SEMA5A: variants seen among roughly 807,000 people sequenced by gnomAD.
SEMA5A encodes semaphorin 5A, also known as semaphorin-5A.
A neutral mutation model predicts 135.5 loss-of-function variants in SEMA5A; 55 were observed. The ratio of observed to expected loss-of-function variants is 0.41; its 90% CI spans 0.33 to 0.51. The LOEUF is 0.51. Ranked by LOEUF, SEMA5A falls within the 20% of genes least tolerant of loss-of-function variation. The pLI, the probability that SEMA5A is intolerant of heterozygous loss-of-function variation, is 0.37. For synonymous variants in SEMA5A, 580 were observed against 546.5 expected (o/e 1.06, Z -0.85); for missense variants, 1,290 against 1,419.9 (o/e 0.91, Z 1.47).
intron 14 of SEMA5A, among the ~76,000 whole-genome samples, chr5:9,121,273 C>T (rs1740799144): frequency 6.6e-6 from 1 of 152,164 alleles, no homozygotes; most frequent in African/African-American, 2.4e-5. Flanking sequence ...TAGAGGCAGA[C>T]ACAGTGACCA....
At chr5:9,494,726 C>T (rs147159071) in intron 1 of SEMA5A, among the ~76,000 whole-genome samples, 173 of 152,200 alleles carry the variant, frequency 1.1e-3, no homozygotes, top group African/African-American at 3.9e-3. Context: ...GATGAAAAAA[C>T]ACAGATTGTA....
intron 8 of SEMA5A, among the ~76,000 whole-genome samples, chr5:9,220,993 C>G (rs568087722): frequency 6.6e-6 from 1 of 152,156 alleles, no homozygotes; most frequent in Non-Finnish European, 1.5e-5. Context: ...CAGGGACTTA[C>G]CCTCCACTCC....
intron 15 of SEMA5A, among the ~76,000 whole-genome samples, chr5:9,111,835 C>T (rs558987293): frequency 6.6e-6 from 1 of 152,312 alleles, no homozygotes; most frequent in Non-Finnish European, 1.5e-5. Flanking sequence ...TCCTCTGACC[C>T]TCTCCCTGCC....
intron 11 of SEMA5A, among the ~76,000 whole-genome samples, chr5:9,156,020 A>T (rs558985183): frequency 6.6e-6 from 1 of 152,334 alleles, no homozygotes; most frequent in South Asian, 2.1e-4. Flanking sequence ...CATACACTGA[A>T]GTATGCTATA....
chr5:9,337,839 A>T, intron 3 of SEMA5A, 27 bp from the exon 4 acceptor site: 1 of 1,474,068 alleles, frequency 6.8e-7, no homozygotes, highest in Non-Finnish European at 9.3e-7. Context: ...AATAAATAAA[A>T]AGATAAAAAT....
At chr5:9,318,277 G>T in intron 5 of SEMA5A, 95 bp downstream of exon 5, 1 of 1,247,340 alleles carries the variant, frequency 8.0e-7, no homozygotes, top group Non-Finnish European at 1.1e-6. Flanking sequence ...GCTCAGGCTG[G>T]ATTAACACCT....
chr5:9,330,050 G>A (rs564237682), intron 4 of SEMA5A, among the ~76,000 whole-genome samples: 86 of 152,058 alleles, frequency 5.7e-4, no homozygotes, highest in African/African-American at 2.0e-3. Flanking sequence ...AACCCAGGGA[G>A]GACCAACTGT....
intron 1 of SEMA5A, among the ~76,000 whole-genome samples, chr5:9,440,748 T>A (rs1758203328): frequency 6.6e-6 from 1 of 152,268 alleles, no homozygotes; most frequent in South Asian, 2.1e-4. Flanking sequence ...ACCTTCTCCC[T>A]GCCCAACTTA....
intron 2 of SEMA5A, among the ~76,000 whole-genome samples, chr5:9,427,182 G>C (rs1319783400): frequency 2.0e-5 from 3 of 151,974 alleles, no homozygotes; most frequent in African/African-American, 7.2e-5. Flanking sequence ...ATGGTGGCAG[G>C]CGCCTGTAAT....
chr5:9,108,058 T>C, intron 16 of SEMA5A, 82 bp downstream of exon 16: 8 of 1,492,998 alleles, frequency 5.4e-6, no homozygotes, highest in Non-Finnish European at 7.3e-6. Flanking sequence ...GAACATCTAG[T>C]GTGTGCAGAG....
chr5:9,541,336 CA>C (rs1383023826), intron 1 of SEMA5A, among the ~76,000 whole-genome samples: 10 of 152,036 alleles, frequency 6.6e-5, no homozygotes. Context: ...AACATTTTTC[CA>C]GTGTATACTT....
intron 1 of SEMA5A, among the ~76,000 whole-genome samples, chr5:9,525,271 T>C (rs1346960050): frequency 6.6e-6 from 1 of 152,216 alleles, no homozygotes; most frequent in Non-Finnish European, 1.5e-5. Flanking sequence ...AAGCCCAACA[T>C]ACTTATTATT....
Position 9,062,882 on chromosome 5 carries a change from C to T in SEMA5A, c.2518+5G>A. On this transcript the variant is annotated splice_donor_5th_base_variant and intron_variant, in intron 18 of 22. Transcript: ENST00000382496. ...GATGTTTTGTAGACTACACAATCCA[C>T]TTACCTGGGCAGGGCAAAATGTTGC... is the stretch of plus-strand genomic sequence containing the variant. 2 of 1,614,214 alleles carry T rather than the reference C, an allele frequency of 1.2e-6. No individual in the cohort carries two copies. The highest frequency in any genetic ancestry group is 1.7e-6 in the Non-Finnish European group (2 of 1,180,010).
At position 9,145,787 on chromosome 5, in the gene SEMA5A, T is replaced by C. The variant is rs555350788; in HGVS notation, c.1481+8701A>G. ...CCGAGTAGCTGAGATTACAGGCGCC[T>C]GCCACCACATCCAGCTTTTTTTTTT... is the stretch of plus-strand genomic sequence containing the variant. On this transcript the variant is annotated intron_variant, in intron 12 of 22. Transcript: ENST00000382496. Among the ~76,000 whole-genome samples, 3 of 147,610 alleles carry C rather than the reference T, an allele frequency of 2.0e-5. No individual in the cohort carries two copies. The South Asian group carries it at 6.7e-4, about 33-fold the overall frequency.
At chr5:9,161,545 AT>A (rs1743256224) in intron 11 of SEMA5A, among the ~76,000 whole-genome samples, 1 of 152,100 alleles carries the variant, frequency 6.6e-6, no homozygotes, top group South Asian at 2.1e-4. Context: ...ATGAAGTGAA[AT>A]CCAAGTGTAT....
Position 9,074,890 on chromosome 5 carries a change from C to G in SEMA5A, c.2074-8244G>C, listed in dbSNP as rs373959974. ...CAATGCTTTAGATTTACTCAGCCACCCCAAATAAACACCTGGTGCATGTAT... is the reference window on the plus strand; with the variant it reads ...CAATGCTTTAGATTTACTCAGCCACGCCAAATAAACACCTGGTGCATGTAT... On this transcript the variant is annotated intron_variant, in intron 16 of 22. Coordinates refer to ENST00000382496, the MANE Select transcript of SEMA5A (RefSeq NM_003966.3). Among the ~76,000 whole-genome samples, 11 of 152,192 alleles carry G rather than the reference C, an allele frequency of 7.2e-5. No individual in the cohort carries two copies. In the East Asian group the frequency reaches 2.1e-3, roughly 29 times the overall value.
intron 2 of SEMA5A, among the ~76,000 whole-genome samples, chr5:9,426,439 A>ATAACATAACATAACATAACATAAC (rs1561243591): frequency 1.4e-5 from 2 of 141,532 alleles, no homozygotes; most frequent in African/African-American, 5.2e-5. Context: ...AAATAAATAA[A>ATAACATAACATAACATAACATAAC]ATAAAATAAA....
At chr5:9,118,911 C>A in intron 15 of SEMA5A, 87 bp downstream of exon 15, 2 of 1,517,038 alleles carry the variant, frequency 1.3e-6, no homozygotes, top group Non-Finnish European at 1.8e-6. Context: ...TTAGGCAGAT[C>A]CAAAACTAAA....
intron 2 of SEMA5A, among the ~76,000 whole-genome samples, chr5:9,415,571 A>G (rs956822372): frequency 7.2e-5 from 11 of 152,188 alleles, no homozygotes; most frequent in African/African-American, 2.7e-4. Flanking sequence ...TATTTTTATA[A>G]TTTTCTCAAC....
Sources: gnomAD v4.1 joint callset for allele counts (sites outside exome capture counted in the v4.1 genomes callset) on GRCh38, gnomAD v4.1.1 for gene constraint, MANE v1.5 for transcripts, NCBI Gene and HGNC (gene_info 2026-07-23, HGNC 2026-07-21) for gene names.